The following OPCML variants were observed in gnomAD, a reference collection of about 807,000 sequenced individuals.
OPCML encodes the protein opioid-binding protein/cell adhesion molecule.
A neutral mutation model predicts 37.8 loss-of-function variants in OPCML; 13 were observed. That is an observed-to-expected ratio of 0.34 (90% CI 0.22 to 0.55). OPCML has a LOEUF of 0.55. Among genes scored for constraint, OPCML ranks in the 20% least tolerant of loss-of-function variants. The pLI is 0.91. For synonymous variants in OPCML, 176 were observed against 168.8 expected, an observed-to-expected ratio of 1.04 and a Z score of -0.33; for missense variants, 341 against 435.6, an observed-to-expected ratio of 0.78 and a Z score of 1.93.
At chr11:132,460,141 C>G (rs567462109) in intron 4 of OPCML, among the ~76,000 whole-genome samples, 5 of 152,140 alleles carry the variant, frequency 3.3e-5, no homozygotes, top group African/African-American at 1.2e-4. Context: ...ATGCTGAAAA[C>G]TCATGCGTTC....
intron 1 of OPCML, among the ~76,000 whole-genome samples, chr11:132,968,467 C>T (rs1946264118): frequency 6.6e-6 from 1 of 152,140 alleles, no homozygotes; most frequent in Non-Finnish European, 1.5e-5. Context: ...TTGAAATTCT[C>T]AGCTTCAAAT....
intron 2 of OPCML, among the ~76,000 whole-genome samples, chr11:132,739,498 C>A (rs1277402952): frequency 6.6e-6 from 1 of 152,192 alleles, no homozygotes; most frequent in African/African-American, 2.4e-5. Flanking sequence ...CCCACAGGCA[C>A]CAATCAACCA....
At chr11:133,148,280 C>T (rs73596423) in intron 1 of OPCML, among the ~76,000 whole-genome samples, 3,175 of 152,310 alleles carry the variant, frequency 0.021, 101 homozygotes, top group African/African-American at 0.074. Flanking sequence ...TACTCTAACA[C>T]TGACCAAGCT....
In OPCML at chr11:132,830,347, T is replaced by A. The variant is rs551647945; in HGVS notation, c.146+112579A>T. Among the ~76,000 whole-genome samples the A allele has an allele frequency of 1.8e-3, 276 of 152,240 alleles. 1 individual carries two copies. Among genetic ancestry groups the A allele is most frequent in the Non-Finnish European group, 3.4e-3 (229 of 68,016 alleles). On this transcript the variant is annotated intron_variant, in intron 2 of 7. Coordinates refer to ENST00000524381, the MANE Select transcript of OPCML (RefSeq NM_001012393.5). Reference sequence around the variant, plus strand: ...TCATCTCAACATACCCATAAAGCGGTGTTGGACTCTATTCTCTAGCTAAAT... The same window carrying A: ...TCATCTCAACATACCCATAAAGCGGAGTTGGACTCTATTCTCTAGCTAAAT...
intron 1 of OPCML, among the ~76,000 whole-genome samples, chr11:133,099,328 T>C (rs1949051561): frequency 6.6e-6 from 1 of 151,520 alleles, no homozygotes; most frequent in Admixed American, 6.6e-5. Context: ...AGTGGCACAA[T>C]CTCAGCTCAC....
chr11:132,464,064 CA>C (rs1380763985), intron 4 of OPCML, among the ~76,000 whole-genome samples: 1 of 152,176 alleles, frequency 6.6e-6, no homozygotes, highest in Non-Finnish European at 1.5e-5. Context: ...AAATACATTT[CA>C]TGACTTTTTC....
rs1236688070 is a variant in OPCML at position 133,532,492 on chromosome 11, CA to C, written c.-169del. On this transcript the variant is annotated 5_prime_UTR_variant, in exon 1 of 8. Coordinates refer to ENST00000524381, the MANE Select transcript of OPCML (RefSeq NM_001012393.5). ...CGCGCGAGAGATGGGAGCAGGCAGG[CA>C]GCGTCTCTGATTTCTTTTCTTGCAC... 1.1e-5 allele frequency: 8 copies of C among 731,766 alleles called. No individual in the cohort carries two copies. Among genetic ancestry groups the C allele is most frequent in the Non-Finnish European group, 1.6e-5 (7 of 431,364 alleles). 45.3% of individuals were successfully genotyped at this position (731,766 alleles called of 1,614,324 possible). A position where few individuals can be genotyped will look rare whatever the true frequency, so the allele number is the denominator to read the frequency against.
At chr11:132,549,823 C>A (rs1205025388) in intron 3 of OPCML, among the ~76,000 whole-genome samples, 1 of 152,186 alleles carries the variant, frequency 6.6e-6, no homozygotes, top group Non-Finnish European at 1.5e-5. Context: ...CCTGAAGGAA[C>A]CAGTCTGTGA....
intron 1 of OPCML, among the ~76,000 whole-genome samples, chr11:133,255,319 G>A (rs1053892372): frequency 1.3e-5 from 2 of 152,122 alleles, no homozygotes; most frequent in Non-Finnish European, 2.9e-5. Context: ...TCAGGGCATG[G>A]CACACATAGG....
At chr11:132,503,546 A>G (rs1437095663) in intron 4 of OPCML, among the ~76,000 whole-genome samples, 1 of 152,236 alleles carries the variant, frequency 6.6e-6, no homozygotes, top group East Asian at 1.9e-4. Context: ...GAATGAAAAA[A>G]AGTATCAATA....
chr11:133,004,528 G>C (rs1201534296), intron 1 of OPCML: 9 of 985,358 alleles, frequency 9.1e-6, no homozygotes, highest in Non-Finnish European at 1.1e-5. Flanking sequence ...GTCGGCCTTG[G>C]CCATGCACCT....
intron 2 of OPCML, among the ~76,000 whole-genome samples, chr11:132,756,805 AG>A (rs1209625108): frequency 6.6e-6 from 1 of 152,076 alleles, no homozygotes; most frequent in Non-Finnish European, 1.5e-5. Context: ...TTATACTTTA[AG>A]TTCTGGGATA....
Position 133,268,535 on chromosome 11 carries a change from A to G in OPCML, c.61+263729T>C, listed in dbSNP as rs148031728. On this transcript the variant is annotated intron_variant, in intron 1 of 7. Transcript: ENST00000524381. ...GTCTAGCAATTAAATAATGAATGCT[A>G]GGAAGCCATAGTCATCAGAGATAAT... is the stretch of plus-strand genomic sequence containing the variant. 8.4e-3 allele frequency among the ~76,000 whole-genome samples: 1,273 copies of G among 152,338 alleles called. 21 individuals carry two copies. Among genetic ancestry groups the G allele is most frequent in the African/African-American group, 0.029 (1,198 of 41,570 alleles).
chr11:132,764,163 G>A (rs1290757864), intron 2 of OPCML, among the ~76,000 whole-genome samples: 1 of 152,226 alleles, frequency 6.6e-6, no homozygotes, highest in African/African-American at 2.4e-5. Flanking sequence ...TCAAAGAAAT[G>A]CCTATTACCA....
chr11:132,828,636 G>C (rs4129343), intron 2 of OPCML, among the ~76,000 whole-genome samples: 10,771 of 150,246 alleles, frequency 0.072, 437 homozygotes, highest in Non-Finnish European at 0.084. Context: ...GAAAAAAAAA[G>C]TGGAATTTTT....
At chr11:133,407,633 C>A (rs1051835850) in intron 1 of OPCML, among the ~76,000 whole-genome samples, 2 of 152,164 alleles carry the variant, frequency 1.3e-5, no homozygotes, top group Admixed American at 6.5e-5. Flanking sequence ...TGGGTGGCAC[C>A]TGTGCCCAGA....
At chr11:132,955,809 G>C (rs1945966639) in intron 1 of OPCML, among the ~76,000 whole-genome samples, 1 of 152,070 alleles carries the variant, frequency 6.6e-6, no homozygotes, top group African/African-American at 2.4e-5. Context: ...TTGAACCCGG[G>C]GAGGCAGAGG....
intron 2 of OPCML, among the ~76,000 whole-genome samples, chr11:132,852,760 C>A (rs901371120): frequency 1.3e-5 from 2 of 152,060 alleles, no homozygotes; most frequent in African/African-American, 4.8e-5. Context: ...TTCCATACAA[C>A]CAAAGAGAAA....
chr11:133,425,127 G>A (rs1014945090), intron 1 of OPCML, among the ~76,000 whole-genome samples: 1 of 152,148 alleles, frequency 6.6e-6, no homozygotes, highest in Non-Finnish European at 1.5e-5. Flanking sequence ...TGTTTACTCT[G>A]AGGTTTGCTC....
Sources: gnomAD v4.1 joint callset for allele counts (sites outside exome capture counted in the v4.1 genomes callset) on GRCh38, gnomAD v4.1.1 for gene constraint, MANE v1.5 for transcripts, NCBI Gene and HGNC (gene_info 2026-07-23, HGNC 2026-07-21) for gene names.